Variants in EBF2 observed in about 807,000 individuals in gnomAD.
EBF2 encodes the protein EBF transcription factor 2, also known as transcription factor COE2.
A neutral mutation model predicts 72.8 loss-of-function variants in EBF2; 21 were observed. The ratio of observed to expected loss-of-function variants is 0.29; its 90% CI spans 0.20 to 0.42. EBF2 has a LOEUF of 0.42. Ranked by LOEUF, EBF2 falls within the 10% of genes least tolerant of loss-of-function variation. EBF2 has a pLI of 1.00. For synonymous variants in EBF2, 299 were observed against 274.2 expected (o/e 1.09, Z -0.89); for missense variants, 637 against 731.2 (o/e 0.87, Z 1.49).
chr8:26,026,769 T>C (rs1470809148), intron 6 of EBF2, among the ~76,000 whole-genome samples: 1 of 152,104 alleles, frequency 6.6e-6, no homozygotes, highest in Admixed American at 6.5e-5. Flanking sequence ...AACTCTGCAG[T>C]TTTTCTTCCT....
Position 26,009,597 on chromosome 8 carries a change from T to C in EBF2, c.551+23488A>G, listed in dbSNP as rs141871902. ...ATTTTGCTTCTTCCAGCCACGATTC[T>C]CTAAGAAATACCGCCCGCAAATTAA... On this transcript the variant is annotated intron_variant, in intron 6 of 15. Transcript: ENST00000520164. Among the ~76,000 whole-genome samples the C allele has an allele frequency of 1.0e-2, 1,516 of 152,322 alleles. 12 individuals are homozygous for C. The highest frequency in any genetic ancestry group is 0.014 in the Non-Finnish European group (960 of 68,028).
intron 6 of EBF2, among the ~76,000 whole-genome samples, chr8:25,923,816 G>A (rs1476357010): frequency 1.3e-5 from 2 of 152,060 alleles, no homozygotes; most frequent in South Asian, 2.1e-4. Context: ...CAATAACAAA[G>A]CCTTTTTTAG....
chr8:25,964,055 T>C (rs28669816), intron 6 of EBF2, among the ~76,000 whole-genome samples: 13,982 of 152,168 alleles, frequency 0.092, 670 homozygotes, highest in Non-Finnish European at 0.11. Flanking sequence ...ATAGGATCAA[T>C]TAGCAAATGA....
intron 6 of EBF2, among the ~76,000 whole-genome samples, chr8:25,993,373 T>C (rs1185487181): frequency 6.6e-6 from 1 of 152,218 alleles, no homozygotes; most frequent in African/African-American, 2.4e-5. Context: ...TAACAGCCCC[T>C]ATGCAGTTTC....
chr8:26,044,630 G>A lies in EBF2; in HGVS notation c.131+99C>T, dbSNP rs1316581008. 75 of 1,508,076 alleles carry A rather than the reference G, an allele frequency of 5.0e-5. No homozygotes were observed. The highest frequency in any genetic ancestry group is 6.5e-5 in the Non-Finnish European group (73 of 1,115,414). The allele number at this position is 1,508,076 out of a possible 1,614,324, so 93.4% of individuals were successfully genotyped here. A position where few individuals can be genotyped will look rare whatever the true frequency, so the allele number is the denominator to read the frequency against. ...GGCCTGGGCGACAGATGGGGGGACA[G>A]GGAGAGAGAAAGGCACGGGGTGCGC... On this transcript the variant is annotated intron_variant, in intron 1 of 15. Coordinates refer to ENST00000520164, the MANE Select transcript of EBF2 (RefSeq NM_022659.4). This position sits in a 1 kb window ranked among gnomAD's most constrained non-coding sequence, Gnocchi z 4.1.
chr8:25,904,109 G>T (rs1010359163), intron 7 of EBF2, among the ~76,000 whole-genome samples: 1 of 151,918 alleles, frequency 6.6e-6, no homozygotes, highest in Non-Finnish European at 1.5e-5. Flanking sequence ...TAGACTAGAG[G>T]TCCATGGAAG....
At chr8:25,898,417 T>C (rs760689779) in intron 7 of EBF2, among the ~76,000 whole-genome samples, 8 of 151,620 alleles carry the variant, frequency 5.3e-5, no homozygotes, top group Non-Finnish European at 1.2e-4. Context: ...AGAGCTTACT[T>C]TTAAAAACCC....
rs555330163 is a variant in EBF2 at position 25,968,658 on chromosome 8, G to A, written c.552-60103C>T. Among the ~76,000 whole-genome samples, 4 of 152,318 alleles carry A rather than the reference G, an allele frequency of 2.6e-5. No homozygotes were observed. In the South Asian group the frequency reaches 8.3e-4, roughly 32 times the overall value. On this transcript the variant is annotated intron_variant, in intron 6 of 15. Transcript: ENST00000520164. ...CTCACTGCAACCTCCACCCCCCTGG[G>A]TTCAAGTGATTTTCTTGCCTCAGCC... is the stretch of plus-strand genomic sequence containing the variant.
At chr8:25,944,708 TTATA>T (rs938048694) in intron 6 of EBF2, among the ~76,000 whole-genome samples, 8 of 147,978 alleles carry the variant, frequency 5.4e-5, no homozygotes, top group African/African-American at 2.0e-4. Flanking sequence ...TTATGTATAA[TTATA>T]TATACATATG....
At chr8:25,847,363 T>A (rs1224729526) in intron 15 of EBF2, among the ~76,000 whole-genome samples, 1 of 152,160 alleles carries the variant, frequency 6.6e-6, no homozygotes, top group African/African-American at 2.4e-5. Flanking sequence ...ATCCCAGGAT[T>A]TTTTGTTTGT....
intron 7 of EBF2, among the ~76,000 whole-genome samples, chr8:25,903,643 G>A (rs973871920): frequency 5.9e-5 from 9 of 152,212 alleles, no homozygotes; most frequent in Non-Finnish European, 1.2e-4. Context: ...TTTGCAGTGA[G>A]CCGAGATCGC....
intron 6 of EBF2, among the ~76,000 whole-genome samples, chr8:26,025,274 T>G (rs1476108888): frequency 6.6e-6 from 1 of 152,188 alleles, no homozygotes; most frequent in African/African-American, 2.4e-5. Context: ...CGGAGAGCTT[T>G]TTGTATTTTG....
chr8:25,849,574 A>G (rs1235694036), intron 15 of EBF2, among the ~76,000 whole-genome samples: 3 of 152,180 alleles, frequency 2.0e-5, no homozygotes, highest in African/African-American at 7.2e-5. Flanking sequence ...TGTCAAGAAC[A>G]TGAGAGGAGC....
In EBF2 at chr8:25,942,113, G is replaced by GTACA. The variant is rs547592380; in HGVS notation, c.552-33559_552-33558insTGTA. 1.4e-4 allele frequency among the ~76,000 whole-genome samples: 22 copies of GTACA among 152,306 alleles called. No individual in the cohort carries two copies. The South Asian group carries it at 4.4e-3, about 30-fold the overall frequency. On this transcript the variant is annotated intron_variant, in intron 6 of 15. Transcript: ENST00000520164. Reference sequence around the variant, plus strand: ...ATGATGTACTGAGTCCCTAGACAGAGGTGAGCACAGAGAGCACCGGAAACA... The same window carrying GTACA: ...ATGATGTACTGAGTCCCTAGACAGAGTACAGTGAGCACAGAGAGCACCGGAAACA...
At chr8:25,884,064 TG>T (rs1320254419) in intron 10 of EBF2, among the ~76,000 whole-genome samples, 1 of 152,144 alleles carries the variant, frequency 6.6e-6, no homozygotes, top group Non-Finnish European at 1.5e-5. Flanking sequence ...AGATGCTGGT[TG>T]CTCCTCTGCT....
rs1585216013 is a variant in EBF2 at position 25,983,652 on chromosome 8, A to G, written c.551+49433T>C. Among the ~76,000 whole-genome samples the G allele has an allele frequency of 1.3e-5, 2 of 152,186 alleles. 1 individual carries two copies. Among genetic ancestry groups the G allele is most frequent in the South Asian group, 4.2e-4 (2 of 4,814 alleles). Reference sequence around the variant, plus strand: ...TCCCTAGTTCCAATCCCCAGCATTCACCCCAGCCGGCCCCAGCTTCCTCAG... The same window carrying G: ...TCCCTAGTTCCAATCCCCAGCATTCGCCCCAGCCGGCCCCAGCTTCCTCAG... On this transcript the variant is annotated intron_variant, in intron 6 of 15. Coordinates refer to ENST00000520164, the MANE Select transcript of EBF2 (RefSeq NM_022659.4).
chr8:25,941,470 C>T (rs1042703008), intron 6 of EBF2, among the ~76,000 whole-genome samples: 5 of 152,090 alleles, frequency 3.3e-5, no homozygotes, highest in African/African-American at 7.2e-5. Context: ...CCTCCCAAAG[C>T]GCTGCGATTA....
At chr8:25,920,743 A>C (rs1563401005) in intron 6 of EBF2, among the ~76,000 whole-genome samples, 1 of 151,942 alleles carries the variant, frequency 6.6e-6, no homozygotes, top group Non-Finnish European at 1.5e-5. Context: ...ATTCCAGGAA[A>C]TTTCTCTAAT....
rs1805663291 is a variant in EBF2, at chr8:26,044,318, G to A, written c.131+411C>T. The stretch of plus-strand genomic sequence containing the variant: ...GGTAGGCGCTCGCAGGCGGCGTGGC[G>A]AAGCCAAGAGTGGCCAGGAAGCCGG... On this transcript the variant is annotated intron_variant, in intron 1 of 15. Coordinates refer to ENST00000520164, the MANE Select transcript of EBF2 (RefSeq NM_022659.4). The surrounding 1 kb of genome is among the most constrained non-coding windows in gnomAD (Gnocchi z 4.1). Among the ~76,000 whole-genome samples, 2 of 152,210 alleles carry A rather than the reference G, an allele frequency of 1.3e-5. No homozygotes were observed. The highest frequency in any genetic ancestry group is 4.1e-4 in the South Asian group (2 of 4,834).
Sources: gnomAD v4.1 joint callset for allele counts (sites outside exome capture counted in the v4.1 genomes callset) on GRCh38, gnomAD v4.1.1 for gene constraint, Gnocchi (gnomAD v3.1) non-coding constraint, MANE v1.5 for transcripts, NCBI Gene and HGNC (gene_info 2026-07-23, HGNC 2026-07-21) for gene names.